The following ZNF536 variants were observed in gnomAD, a reference collection of about 807,000 sequenced individuals.
ZNF536 encodes the protein zinc finger protein 536.
In ZNF536, 13 loss-of-function variants were observed where a neutral mutation model predicts 84.5. The observed-to-expected ratio is 0.15, with a 90% CI of 0.10 to 0.24. ZNF536 has a LOEUF of 0.24. ZNF536 is among the 10% of genes least tolerant of loss of function. The probability of loss-of-function intolerance (pLI) is 1.00; values close to 1 mark genes in which losing one functional copy is unlikely to be tolerated. For missense variants in ZNF536, 1,536 were observed against 1,747.5 expected (o/e 0.88, Z 2.16); for synonymous variants, 811 against 742.5 (o/e 1.09, Z -1.50).
rs2048280900 is a variant in ZNF536, at chr19:30,361,736, C to G, written c.-3+9252C>G. Among the ~76,000 whole-genome samples the G allele has an allele frequency of 4.1e-5, 6 of 145,362 alleles. No individual in the cohort carries two copies. In the Admixed American group the frequency reaches 4.3e-4, roughly 10 times the overall value. ...GGACCAGGTGGGTGGTGGGGTTGAG[C>G]CTGGACGTAAATTTCTTCTGCCACG... On this transcript the variant is annotated intron_variant, in intron 3 of 5. Transcript: ENST00000585628.
chr19:30,608,643 G>A (rs975636080), intron 1 of ZNF536, among the ~76,000 whole-genome samples: 6 of 152,158 alleles, frequency 3.9e-5, no homozygotes, highest in African/African-American at 1.4e-4. Context: ...GGCTGGGTGA[G>A]GTTCCTGGCT....
rs184529144 is a variant in ZNF536, at chr19:30,445,005, G to A, written c.1443G>A (p.Pro481=). The A allele has an allele frequency of 2.5e-4, 406 of 1,611,564 alleles. No individual in the cohort carries two copies. The East Asian group carries it at 6.8e-3, about 27-fold the overall frequency. ...TCTCCAGCATGGCCCACGGCGTCCC[G>A]GAGGGGGACAAGCACTCCCTCCTGG... ...SPISSMAHGV[P]EGDKHSLLGC... is the part of the protein sequence containing the mutation. Residue 481 remains proline, a synonymous_variant, in exon 2 of 5, where the codon CCG becomes CCA. Coordinates refer to ENST00000355537, the MANE Select transcript of ZNF536 (RefSeq NM_014717.3). This position sits in a 1 kb window ranked among gnomAD's most constrained non-coding sequence, Gnocchi z 4.5.
chr19:30,495,036 A>G (rs1171732202), intron 2 of ZNF536, among the ~76,000 whole-genome samples: 1 of 152,026 alleles, frequency 6.6e-6, no homozygotes, highest in African/African-American at 2.4e-5. Context: ...AAGATTACAC[A>G]TTATGGCCAA....
Position 30,445,749 on chromosome 19 carries a change from G to T in ZNF536, c.2170+17G>T, listed in dbSNP as rs555867550. 1.3e-6 allele frequency: 2 copies of T among 1,532,596 alleles called. No homozygotes were observed. Among genetic ancestry groups the T allele is most frequent in the Non-Finnish European group, 1.8e-6 (2 of 1,140,500 alleles). 94.9% of individuals were successfully genotyped at this position (1,532,596 alleles called of 1,614,324 possible). ...CCTCCTCAGGTAGGTTAGCTGAGAA[G>T]CGGGGAGAAGCAGCTTGTACAGCAG... On this transcript the variant is annotated intron_variant, in intron 2 of 4. Coordinates refer to ENST00000355537, the MANE Select transcript of ZNF536 (RefSeq NM_014717.3). This position sits in a 1 kb window ranked among gnomAD's most constrained non-coding sequence, Gnocchi z 4.5.
rs373259584 is a variant in ZNF536 at position 30,444,571 on chromosome 19, G to A, written c.1009G>A (p.Gly337Ser). 2.5e-6 allele frequency: 4 copies of A among 1,613,708 alleles called. No homozygotes were observed. Among genetic ancestry groups the A allele is most frequent in the African/African-American group, 1.3e-5 (1 of 75,076 alleles). Residue 337 changes from glycine to serine, a missense_variant, in exon 2 of 5, where the codon GGT becomes AGT. Coordinates refer to ENST00000355537, the MANE Select transcript of ZNF536 (RefSeq NM_014717.3). ...ESAQGQGPNG[G>S]GEQSANEFRC... The stretch of plus-strand genomic sequence containing the variant: ...GGCCCAGGGCCAGGGCCCCAACGGC[G>A]GTGGCGAGCAGTCGGCCAACGAGTT...
chr19:30,330,593 T>C (rs2047179986), intron 2 of ZNF536, among the ~76,000 whole-genome samples: 1 of 152,174 alleles, frequency 6.6e-6, no homozygotes, highest in South Asian at 2.1e-4. Context: ...GGTAAAGTAG[T>C]CTATGGCTGT....
chr19:30,322,677 G>A (rs2046896311), intron 2 of ZNF536, among the ~76,000 whole-genome samples: 1 of 152,094 alleles, frequency 6.6e-6, no homozygotes, highest in African/African-American at 2.4e-5. Flanking sequence ...TGCATGTTTT[G>A]GAGCTCACAG....
chr19:30,422,877 C>A (rs2051027463), intron 1 of ZNF536, among the ~76,000 whole-genome samples: 1 of 139,454 alleles, frequency 7.2e-6, no homozygotes, highest in African/African-American at 2.7e-5. Flanking sequence ...ATCCATCCAT[C>A]CATCCATCCA....
chr19:30,283,713 G>A (rs531389760), intron 1 of ZNF536, among the ~76,000 whole-genome samples: 1 of 150,580 alleles, frequency 6.6e-6, no homozygotes, highest in South Asian at 2.1e-4. Flanking sequence ...CTAAAGAAGA[G>A]AGACAGCGAG....
At chr19:30,332,535 T>C (rs2047246883) in intron 2 of ZNF536, among the ~76,000 whole-genome samples, 1 of 152,172 alleles carries the variant, frequency 6.6e-6, no homozygotes, top group Admixed American at 6.5e-5. Context: ...TGCCAGGCCC[T>C]GTCTCAAATA....
rs367864409 is a variant in ZNF536, at chr19:30,622,349, G to A, written c.169+72835G>A. Among the ~76,000 whole-genome samples the A allele has an allele frequency of 6.6e-5, 10 of 152,374 alleles. No homozygotes were observed. The South Asian group carries it at 2.1e-3, about 32-fold the overall frequency. ...AGTCTATGAACCAGCAGTGTTTAGGGGAGTTCAATTTTCCTTTGGTTTTTG... is the reference window on the plus strand; with the variant it reads ...AGTCTATGAACCAGCAGTGTTTAGGAGAGTTCAATTTTCCTTTGGTTTTTG... On this transcript the variant is annotated intron_variant, in intron 1 of 1. Coordinates refer to the ZNF536 transcript ENST00000592773.
chr19:30,477,199 C>T (rs558515324), intron 2 of ZNF536, among the ~76,000 whole-genome samples: 3 of 152,168 alleles, frequency 2.0e-5, no homozygotes, highest in African/African-American at 4.8e-5. Flanking sequence ...ATCATGACAT[C>T]ACCCTTATGT....
At chr19:30,503,919 CTCT>C (rs1354302114) in intron 2 of ZNF536, among the ~76,000 whole-genome samples, 1 of 145,350 alleles carries the variant, frequency 6.9e-6, no homozygotes, top group Non-Finnish European at 1.5e-5. Context: ...TTTCTTCTCT[CTCT>C]TTTTTTTTAA....
chr19:30,357,717 C>A (rs1368531991), intron 3 of ZNF536, among the ~76,000 whole-genome samples: 1 of 152,038 alleles, frequency 6.6e-6, no homozygotes, highest in African/African-American at 2.4e-5. Flanking sequence ...CTGGCATGAG[C>A]TTTCTGTGCA....
intron 2 of ZNF536, among the ~76,000 whole-genome samples, chr19:30,471,088 T>C (rs1361644753): frequency 6.6e-6 from 1 of 151,800 alleles, no homozygotes; most frequent in Non-Finnish European, 1.5e-5. Context: ...CCCAAAGTGC[T>C]GGGATTACAG....
chr19:30,559,663 C>T (rs1233606833), downstream of ZNF536, among the ~76,000 whole-genome samples: 1 of 152,072 alleles, frequency 6.6e-6, no homozygotes, highest in Non-Finnish European at 1.5e-5. Context: ...GTATAGATGG[C>T]ATGTGGGGGG....
intron 1 of ZNF536, among the ~76,000 whole-genome samples, chr19:30,576,507 G>T (rs865950270): frequency 1.7e-4 from 26 of 152,122 alleles, no homozygotes; most frequent in Admixed American, 2.0e-4. Flanking sequence ...ACTTCTTTCT[G>T]ACCTCCTGGG....
chr19:30,646,797 C>T (rs894674901), intron 1 of ZNF536, among the ~76,000 whole-genome samples: 3 of 152,174 alleles, frequency 2.0e-5, no homozygotes, highest in African/African-American at 7.2e-5. Flanking sequence ...TCCGACGTTA[C>T]ACCTGCAGGA....
rs1156327154 is a variant in ZNF536, at chr19:30,387,610, C to T, written c.-3+15054C>T. Among the ~76,000 whole-genome samples the T allele has an allele frequency of 3.9e-5, 6 of 152,234 alleles. No individual in the cohort carries two copies. In the East Asian group the frequency reaches 1.2e-3, roughly 29 times the overall value. On this transcript the variant is annotated intron_variant, in intron 1 of 4. Transcript: ENST00000355537. ...CTGACATAAGCCATGACTCTCGAAG[C>T]TGATGACACACTTGAGATAAGGTCA...
Sources: gnomAD v4.1 joint callset for allele counts (sites outside exome capture counted in the v4.1 genomes callset) on GRCh38, gnomAD v4.1.1 for gene constraint, Gnocchi (gnomAD v3.1) non-coding constraint, MANE v1.5 for transcripts, NCBI Gene and HGNC (gene_info 2026-07-23, HGNC 2026-07-21) for gene names.